NDST3: variants seen among roughly 807,000 people sequenced by gnomAD.
The protein encoded by NDST3 is bifunctional heparan sulfate N-deacetylase/N-sulfotransferase 3.
In NDST3, 58 loss-of-function variants were observed where a neutral mutation model predicts 96.1. That is an observed-to-expected ratio of 0.60 (90% CI 0.49 to 0.75). The LOEUF (loss-of-function observed/expected upper bound fraction) is 0.75. NDST3 is among the 30% of genes least tolerant of loss of function. The pLI, the probability that NDST3 is intolerant of heterozygous loss-of-function variation, is 0.00. For synonymous variants in NDST3, 333 were observed against 359.7 expected (o/e 0.93, Z 0.84); for missense variants, 788 against 1,034.2 (o/e 0.76, Z 3.27).
intron 2 of NDST3, among the ~76,000 whole-genome samples, chr4:118,084,867 T>TC (rs1366759885): frequency 1.3e-5 from 2 of 152,092 alleles, no homozygotes; most frequent in Non-Finnish European, 2.9e-5. Context: ...ACGCCTGTAA[T>TC]CCCAGCACTT....
At chr4:118,053,319 A>G (rs546696311) in intron 1 of NDST3, among the ~76,000 whole-genome samples, 1 of 152,112 alleles carries the variant, frequency 6.6e-6, no homozygotes, top group Admixed American at 6.6e-5. Context: ...TCGACTTTGC[A>G]GAAAAGAAAA....
intron 9 of NDST3, among the ~76,000 whole-genome samples, chr4:118,235,434 C>T (rs533421696): frequency 2.6e-5 from 4 of 152,166 alleles, no homozygotes; most frequent in Non-Finnish European, 5.9e-5. Flanking sequence ...CCTGCCCTCT[C>T]CATGAGCCCC....
At chr4:118,101,131 C>T (rs1339999745) in intron 2 of NDST3, among the ~76,000 whole-genome samples, 2 of 151,790 alleles carry the variant, frequency 1.3e-5, no homozygotes, top group Non-Finnish European at 2.9e-5. Flanking sequence ...AAGAATGCCA[C>T]ACGTGTCATC....
intron 6 of NDST3, among the ~76,000 whole-genome samples, chr4:118,175,504 G>A (rs1442958527): frequency 1.3e-5 from 2 of 152,040 alleles, no homozygotes; most frequent in Non-Finnish European, 2.9e-5. Context: ...TCTTATCTAT[G>A]TTCTTTTCTT....
At chr4:118,104,812 G>A (rs1034984585) in intron 2 of NDST3, among the ~76,000 whole-genome samples, 4 of 152,052 alleles carry the variant, frequency 2.6e-5, no homozygotes, top group African/African-American at 2.4e-5. Flanking sequence ...TTTATTGCAA[G>A]CTAAAGGATA....
At chr4:118,118,469 C>T (rs1465889814) in intron 4 of NDST3, among the ~76,000 whole-genome samples, 1 of 152,140 alleles carries the variant, frequency 6.6e-6, no homozygotes, top group Non-Finnish European at 1.5e-5. Context: ...AGCCACATAC[C>T]TGCTATTTTC....
intron 6 of NDST3, among the ~76,000 whole-genome samples, chr4:118,215,277 G>A (rs1739119084): frequency 6.6e-6 from 1 of 152,022 alleles, no homozygotes; most frequent in Admixed American, 6.6e-5. Context: ...ATAGATAGAG[G>A]AGAACTAGGA....
intron 2 of NDST3, among the ~76,000 whole-genome samples, chr4:118,090,236 T>C (rs1728755927): frequency 6.6e-6 from 1 of 152,024 alleles, no homozygotes; most frequent in African/African-American, 2.4e-5. Flanking sequence ...GTTCTGCATT[T>C]GATCCTACTT....
chr4:118,139,428 T>G (rs1485567830), intron 5 of NDST3, among the ~76,000 whole-genome samples: 1 of 152,232 alleles, frequency 6.6e-6, no homozygotes, highest in Non-Finnish European at 1.5e-5. Context: ...TGTGGAAACC[T>G]ATATTTGGCT....
At chr4:118,163,232 C>A (rs1463936541) in intron 6 of NDST3, among the ~76,000 whole-genome samples, 1 of 151,872 alleles carries the variant, frequency 6.6e-6, no homozygotes, top group Non-Finnish European at 1.5e-5. Context: ...ACCATTTGAC[C>A]CAGCCATCCC....
At position 118,094,470 on chromosome 4, in the gene NDST3, C is replaced by T. The variant is rs141590348; in HGVS notation, c.982-10548C>T. On this transcript the variant is annotated intron_variant, in intron 2 of 13. Transcript: ENST00000296499. ...CTTTTTCCTCACTGAAGCAAGGGTT[C>T]CCAACCAATATTGATTATCTACCCA... is the stretch of plus-strand genomic sequence containing the variant. Among the ~76,000 whole-genome samples, 120 of 151,866 alleles carry T rather than the reference C, an allele frequency of 7.9e-4. 2 individuals carry two copies. The East Asian group carries it at 0.012, about 15-fold the overall frequency.
intron 8 of NDST3, among the ~76,000 whole-genome samples, chr4:118,232,637 A>G (rs1740377980): frequency 6.6e-6 from 1 of 151,722 alleles, no homozygotes; most frequent in Non-Finnish European, 1.5e-5. Context: ...GATGCTGAAA[A>G]AAAAAGAAAG....
chr4:118,229,296 T>C (rs986402546), intron 8 of NDST3, among the ~76,000 whole-genome samples: 2 of 152,158 alleles, frequency 1.3e-5, no homozygotes, highest in Non-Finnish European at 2.9e-5. Flanking sequence ...GTGGACTCCA[T>C]CTCAAAAAAT....
At chr4:118,186,258 C>T (rs532794591) in intron 6 of NDST3, among the ~76,000 whole-genome samples, 1 of 152,242 alleles carries the variant, frequency 6.6e-6, no homozygotes, top group South Asian at 2.1e-4. Context: ...AAAACAATGG[C>T]TCCCATAATT....
intron 10 of NDST3, 51 bp downstream of exon 10, chr4:118,237,271 T>C (rs1740704600): frequency 6.9e-7 from 1 of 1,439,852 alleles, no homozygotes; most frequent in Non-Finnish European, 9.3e-7. Flanking sequence ...GTATGGACAA[T>C]GGAGCATTGT....
Position 118,240,820 on chromosome 4 carries a change from G to A in NDST3, c.2289+126G>A, listed in dbSNP as rs979602177. ...TTTCCTCTTTAGTTGTAAATAATGA[G>A]GCTATGGCAAAGAGAAATAGGCAGA... is the stretch of plus-strand genomic sequence containing the variant. On this transcript the variant is annotated intron_variant, in intron 11 of 13. Transcript: ENST00000296499. 1.8e-5 allele frequency: 15 copies of A among 839,350 alleles called. No homozygotes were observed. The African/African-American group carries it at 2.0e-4, about 11-fold the overall frequency. The allele number at this position is 839,350 out of a possible 1,614,324, so 52.0% of individuals were successfully genotyped here.
rs1733138698 is a variant in NDST3 at position 118,136,824 on chromosome 4, A to G, written c.1225-1230A>G. ...AGTGTGTACAGTATACAGCAATGAC[A>G]TGAAGGAAATCATCAGAAATTGGGG... On this transcript the variant is annotated intron_variant, in intron 4 of 13. Transcript: ENST00000296499. Among the ~76,000 whole-genome samples the G allele has an allele frequency of 2.6e-5, 4 of 152,290 alleles. 1 individual carries two copies. In the South Asian group the frequency reaches 8.3e-4, roughly 32 times the overall value.
At chr4:118,254,410 T>C (rs1285523678) in intron 13 of NDST3, among the ~76,000 whole-genome samples, 2 of 152,134 alleles carry the variant, frequency 1.3e-5, no homozygotes, top group African/African-American at 4.8e-5. Context: ...ACATCTAACA[T>C]ACTAGCAGAT....
intron 4 of NDST3, among the ~76,000 whole-genome samples, chr4:118,119,616 T>C (rs1731385314): frequency 6.6e-6 from 1 of 152,180 alleles, no homozygotes; most frequent in Non-Finnish European, 1.5e-5. Context: ...TATAATTTAC[T>C]TCATAAAATG....
Sources: allele counts gnomAD v4.1 joint callset (sites outside exome capture counted in the v4.1 genomes callset), GRCh38; gene constraint gnomAD v4.1.1; transcripts MANE v1.5; gene names NCBI Gene and HGNC (gene_info 2026-07-23, HGNC 2026-07-21).